Variants in CLSTN3 observed in about 807,000 individuals in gnomAD.
The protein encoded by CLSTN3 is calsyntenin-3.
Under a neutral mutation model 95.9 loss-of-function variants are expected in CLSTN3, and 36 were observed. The observed-to-expected ratio is 0.38, with a 90% CI of 0.29 to 0.50. The LOEUF (loss-of-function observed/expected upper bound fraction) is 0.50, where lower values mean the gene tolerates loss of function less well. Ranked by LOEUF, CLSTN3 falls within the 20% of genes least tolerant of loss-of-function variation. The probability of loss-of-function intolerance (pLI) is 0.95; values close to 1 mark genes in which losing one functional copy is unlikely to be tolerated. For synonymous variants in CLSTN3, 481 were observed against 504.0 expected (o/e 0.95, Z 0.61); for missense variants, 1,084 against 1,268.8 (o/e 0.85, Z 2.21).
At chr12:7,155,541 T>A (rs1939800517) in intron 16 of CLSTN3, among the ~76,000 whole-genome samples, 1 of 152,254 alleles carries the variant, frequency 6.6e-6, no homozygotes, top group Admixed American at 6.5e-5. Flanking sequence ...AGCCTGGGCT[T>A]AGCCACTGGG....
upstream of CLSTN3, chr12:7,130,315 CCAGTCACCTGATTGGCCGG>C: frequency 1.0e-6 from 1 of 992,692 alleles, no homozygotes; most frequent in Non-Finnish European, 1.3e-6. Context: ...CCCCCCCCTC[CCAGTCACCTGATTGGCCGG>C]CGGCCCCATC....
At position 7,136,476 on chromosome 12, in the gene CLSTN3, A is replaced by C. The variant is rs756768220; in HGVS notation, c.928+85A>C. ...CTTTTCCAAGACTCTGCTTTACATCACCACTGGCCATCCACAGGTGTTTAT... is the reference window on the plus strand; with the variant it reads ...CTTTTCCAAGACTCTGCTTTACATCCCCACTGGCCATCCACAGGTGTTTAT... On this transcript the variant is annotated intron_variant, in intron 6 of 17. Coordinates refer to ENST00000266546, the MANE Select transcript of CLSTN3 (RefSeq NM_014718.4). 101 of 1,265,690 alleles carry C rather than the reference A, an allele frequency of 8.0e-5. No homozygotes were observed. In the African/African-American group the frequency reaches 1.5e-3, roughly 18 times the overall value. 78.4% of individuals were successfully genotyped at this position (1,265,690 alleles called of 1,614,324 possible).
Position 7,157,798 on chromosome 12 carries a change from G to A in CLSTN3, c.2730+107G>A, listed in dbSNP as rs1939846990. ...CTGGGTGGAGGCTGTTCGCAGAGCT[G>A]CAGTGAGCCGGAGGGAGAGAGGTTC... On this transcript the variant is annotated intron_variant, in intron 17 of 17. Coordinates refer to ENST00000266546, the MANE Select transcript of CLSTN3 (RefSeq NM_014718.4). The surrounding 1 kb of genome is among the most constrained non-coding windows in gnomAD (Gnocchi z 5.9). 1.3e-6 allele frequency: 2 copies of A among 1,490,214 alleles called. No individual in the cohort carries two copies. Among genetic ancestry groups the A allele is most frequent in the Admixed American group, 2.0e-5 (1 of 49,904 alleles). 92.3% of individuals were successfully genotyped at this position (1,490,214 alleles called of 1,614,324 possible).
In CLSTN3 at chr12:7,142,778, T is replaced by C. The variant is rs1289965667; in HGVS notation, c.1541-91T>C. The stretch of plus-strand genomic sequence containing the variant: ...TTTTTTTCTTTCTCAACTCTTCTGC[T>C]CTTTCTCTCCTTTCCCTTTCTCTCA... On this transcript the variant is annotated intron_variant, in intron 10 of 17. Transcript: ENST00000266546. 24 of 1,089,300 alleles carry C rather than the reference T, an allele frequency of 2.2e-5. No homozygotes were observed. In the East Asian group the frequency reaches 6.5e-4, roughly 29 times the overall value. The allele number at this position is 1,089,300 out of a possible 1,614,324, so 67.5% of individuals were successfully genotyped here. A position where few individuals can be genotyped will look rare whatever the true frequency, so the allele number is the denominator to read the frequency against.
At chr12:7,132,704 A>C in intron 1 of CLSTN3, 1 of 577,278 alleles carries the variant, frequency 1.7e-6, no homozygotes, top group South Asian at 2.2e-5. Context: ...AGCACGTGAA[A>C]TCGCTAAAGA....
Position 7,133,264 on chromosome 12 carries a change from A to G in CLSTN3, c.187+118A>G. 1 of 1,349,726 alleles carries G rather than the reference A, an allele frequency of 7.4e-7. No homozygotes were observed. The highest frequency in any genetic ancestry group is 1.0e-6 in the Non-Finnish European group (1 of 982,300). 83.6% of individuals were successfully genotyped at this position (1,349,726 alleles called of 1,614,324 possible). On this transcript the variant is annotated intron_variant, in intron 2 of 17. Coordinates refer to ENST00000266546, the MANE Select transcript of CLSTN3 (RefSeq NM_014718.4). This position sits in a 1 kb window ranked among gnomAD's most constrained non-coding sequence, Gnocchi z 4.7. ...TGATGAGAAAGTAAGGGAAGATAAAAGTGGGCTCAAGGAGGGGAATGGTCT... is the reference window on the plus strand; with the variant it reads ...TGATGAGAAAGTAAGGGAAGATAAAGGTGGGCTCAAGGAGGGGAATGGTCT...
In CLSTN3 at chr12:7,136,449, A is replaced by G. The variant is rs763552400; in HGVS notation, c.928+58A>G. On this transcript the variant is annotated intron_variant, in intron 6 of 17. Transcript: ENST00000266546. ...TCCCTTCCCATCCAACCTCTGTCCA[A>G]ACTTTTCCAAGACTCTGCTTTACAT... 30 of 1,458,082 alleles carry G rather than the reference A, an allele frequency of 2.1e-5. No homozygotes were observed. The South Asian group carries it at 2.3e-4, about 11-fold the overall frequency. The allele number at this position is 1,458,082 out of a possible 1,614,324, so 90.3% of individuals were successfully genotyped here. A position where few individuals can be genotyped will look rare whatever the true frequency, so the allele number is the denominator to read the frequency against.
At chr12:7,143,346 C>T in intron 12 of CLSTN3, 35 bp downstream of exon 12, 2 of 1,584,024 alleles carry the variant, frequency 1.3e-6, no homozygotes, top group Non-Finnish European at 1.7e-6. Context: ...AATCACCAAG[C>T]AGAGCCAGAC....
rs1319597725 is a variant in CLSTN3, at chr12:7,131,073, G to A, written c.64+361G>A. On this transcript the variant is annotated intron_variant, in intron 1 of 17. Transcript: ENST00000266546. The stretch of plus-strand genomic sequence containing the variant: ...CCGAGCCGGTGATAGGCCTCTCCCC[G>A]CGGCTCTCCCTTTCACTGGCGCATG... 9.5e-6 allele frequency: 4 copies of A among 421,990 alleles called. No homozygotes were observed. The East Asian group carries it at 2.1e-4, about 22-fold the overall frequency. 26.1% of individuals were successfully genotyped at this position (421,990 alleles called of 1,614,324 possible).
chr12:7,145,735 GA>G (rs1939613343), intron 12 of CLSTN3, among the ~76,000 whole-genome samples: 1 of 152,020 alleles, frequency 6.6e-6, no homozygotes, highest in South Asian at 2.1e-4. Context: ...TCAACCGAAA[GA>G]GCTAATGCTG....
In CLSTN3 at chr12:7,135,918, T is replaced by C. The variant is rs1565649187; in HGVS notation, c.707T>C (p.Ile236Thr). ...GCAGCAGATGATGCTGAGGTGGAGA[T>C]TCAGGTGAAGCCCACCTGTAAACCC... ...KRAADDAEVEIQVKPTCKPSW... is the reference protein window; with the variant it reads ...KRAADDAEVETQVKPTCKPSW... The change falls in exon 5 of 18, where the codon ATT becomes ACT. Residue 236 changes from isoleucine (I) to threonine (T), a missense_variant. By Grantham distance (89) the Ile-to-Thr change is moderately conservative. Coordinates refer to ENST00000266546, the MANE Select transcript of CLSTN3 (RefSeq NM_014718.4). 6.2e-7 allele frequency: 1 copy of C among 1,613,590 alleles called. No homozygotes were observed.
intron 8 of CLSTN3, among the ~76,000 whole-genome samples, chr12:7,139,653 A>T (rs772984565): frequency 1.3e-3 from 108 of 83,758 alleles, no homozygotes; most frequent in Middle Eastern, 8.5e-3. Context: ...TATTATTATT[A>T]TTATTTTTTT....
intron 16 of CLSTN3, 100 bp downstream of exon 16, chr12:7,151,163 G>C: frequency 3.7e-6 from 5 of 1,367,044 alleles, no homozygotes; most frequent in Non-Finnish European, 4.8e-6. Context: ...GGACAAGGTA[G>C]GTGGAGCAAT....
chr12:7,149,535 G>T lies in CLSTN3; in HGVS notation c.2087G>T (p.Arg696Leu). Residue 696 changes from arginine to leucine, a missense_variant, in exon 14 of 18, where the codon CGC (arginine) becomes CTC (leucine). Transcript: ENST00000266546. This position sits in a 1 kb window ranked among gnomAD's most constrained non-coding sequence, Gnocchi z 4.5. ...ATCCCCAACCCAGTGACAGACACACGCATGTCGGATGAGATTGTGCACAAC... is the reference window on the plus strand; with the variant it reads ...ATCCCCAACCCAGTGACAGACACACTCATGTCGGATGAGATTGTGCACAAC... ...ESWQGTVTDT[R>L]MSDEIVHNLD... 1 of 1,612,972 alleles carries T rather than the reference G, an allele frequency of 6.2e-7. No individual in the cohort carries two copies. The highest frequency in any genetic ancestry group is 8.5e-7 in the Non-Finnish European group (1 of 1,179,340).
In CLSTN3 at chr12:7,142,885, C is replaced by A. The variant is rs777697617; in HGVS notation, c.1557C>A (p.Ile519=). ...TDTTQGDPLS[I]HHYFHGYLAG... ...CTACCCTAGGAGACCCTTTGTCGAT[C>A]CACCACTACTTCCATGGCTACCTGG... The change falls in exon 11 of 18, where the codon ATC becomes ATA. Residue 519 remains isoleucine (I), a synonymous_variant. Coordinates refer to ENST00000266546, the MANE Select transcript of CLSTN3 (RefSeq NM_014718.4). 1.2e-6 allele frequency: 2 copies of A among 1,614,140 alleles called. No individual in the cohort carries two copies.
intron 12 of CLSTN3, among the ~76,000 whole-genome samples, chr12:7,144,646 A>G (rs1206295948): frequency 1.3e-5 from 2 of 152,216 alleles, no homozygotes; most frequent in African/African-American, 2.4e-5. Context: ...TTTAAGAGTT[A>G]GGATTTCTGC....
chr12:7,131,853 C>G (rs1215725681), intron 1 of CLSTN3: 1 of 456,436 alleles, frequency 2.2e-6, no homozygotes, highest in Non-Finnish European at 4.4e-6. Context: ...GAAAGCCTTC[C>G]CATGCCAAAG....
chr12:7,143,474 A>G (rs1404074668), intron 12 of CLSTN3, among the ~76,000 whole-genome samples, 163 bp downstream of exon 12: 1 of 152,242 alleles, frequency 6.6e-6, no homozygotes, highest in Non-Finnish European at 1.5e-5. Context: ...GTCACATAGC[A>G]ATATTGGTAG....
At chr12:7,139,656 A>AT (rs34540926) in intron 8 of CLSTN3, among the ~76,000 whole-genome samples, 1 of 143,182 alleles carries the variant, frequency 7.0e-6, no homozygotes, top group African/African-American at 2.6e-5. Context: ...TATTATTATT[A>AT]TTTTTTTTTT....
Sources: gnomAD v4.1 joint callset for allele counts (sites outside exome capture counted in the v4.1 genomes callset) on GRCh38, gnomAD v4.1.1 for gene constraint, Gnocchi (gnomAD v3.1) non-coding constraint, MANE v1.5 for transcripts, NCBI Gene and HGNC (gene_info 2026-07-23, HGNC 2026-07-21) for gene names.